DLGAP2: variants seen among roughly 807,000 people sequenced by gnomAD.
DLGAP2 encodes disks large-associated protein 2.
In DLGAP2, 26 loss-of-function variants were observed where a neutral mutation model predicts 100.3. The observed-to-expected ratio is 0.26, with a 90% CI of 0.19 to 0.36. The LOEUF (loss-of-function observed/expected upper bound fraction) is 0.36. Ranked by LOEUF, DLGAP2 falls within the 10% of genes least tolerant of loss-of-function variation. The pLI, the probability that DLGAP2 is intolerant of heterozygous loss-of-function variation, is 1.00. For synonymous variants in DLGAP2, 886 were observed against 630.1 expected, an observed-to-expected ratio of 1.41 and a Z score of -6.08; for missense variants, 1,858 against 1,453.2, an observed-to-expected ratio of 1.28 and a Z score of -4.53.
chr8:1,059,470 C>A (rs1349104523), intron 2 of DLGAP2, among the ~76,000 whole-genome samples: 1 of 152,196 alleles, frequency 6.6e-6, no homozygotes, highest in Non-Finnish European at 1.5e-5. Flanking sequence ...ACCCCAGGAG[C>A]TCCAGCCTCG....
At position 1,288,539 on chromosome 8, in the gene DLGAP2, A is replaced by AGTGTGT. The variant is rs1166851174; in HGVS notation, c.106+29672_106+29677dup. ...CTGTTAGGGGAACTAGTTTCAGTTG[A>AGTGTGT]GTGTGTGTGTGTGTGTGTGTGGTTA... On this transcript the variant is annotated intron_variant, in intron 3 of 14. Transcript: ENST00000637795. 1.4e-4 allele frequency among the ~76,000 whole-genome samples: 4 copies of AGTGTGT among 27,898 alleles called. No homozygotes were observed. In the East Asian group the frequency reaches 3.7e-3, roughly 26 times the overall value. The allele number at this position is 27,898 out of a possible 152,430, so 18.3% of individuals were successfully genotyped here.
At chr8:780,788 A>G (rs886153855) in intron 1 of DLGAP2, among the ~76,000 whole-genome samples, 1 of 152,192 alleles carries the variant, frequency 6.6e-6, no homozygotes, top group Non-Finnish European at 1.5e-5. Context: ...CTGCCGCCTC[A>G]CCAAAGGCTG....
intron 2 of DLGAP2, among the ~76,000 whole-genome samples, chr8:916,279 G>A (rs918534753): frequency 1.3e-5 from 2 of 152,234 alleles, no homozygotes; most frequent in Non-Finnish European, 2.9e-5. Context: ...CACCAATGCT[G>A]ATGTCACTCA....
chr8:912,909 C>G (rs181521860), intron 2 of DLGAP2, among the ~76,000 whole-genome samples: 2 of 152,242 alleles, frequency 1.3e-5, no homozygotes, highest in Non-Finnish European at 2.9e-5. Flanking sequence ...CTGTGGTGCC[C>G]GCCTTCCTCT....
chr8:926,810 G>A (rs1218706936), intron 2 of DLGAP2, among the ~76,000 whole-genome samples: 2 of 152,268 alleles, frequency 1.3e-5, no homozygotes, highest in African/African-American at 2.4e-5. Context: ...GTCACACAGC[G>A]GAGCTGCCCT....
At chr8:1,189,199 T>C (rs1797582581) in intron 2 of DLGAP2, among the ~76,000 whole-genome samples, 1 of 143,930 alleles carries the variant, frequency 6.9e-6, no homozygotes, top group Non-Finnish European at 1.5e-5. Flanking sequence ...GGGTTGACCT[T>C]ACACAGGATT....
rs547997786 is a variant in DLGAP2, at chr8:1,465,281, C to G, written c.107-36085C>G. Among the ~76,000 whole-genome samples, 40 of 152,312 alleles carry G rather than the reference C, an allele frequency of 2.6e-4. 1 individual carries two copies. Among genetic ancestry groups the G allele is most frequent in the African/African-American group, 8.7e-4 (36 of 41,552 alleles). Reference sequence around the variant, plus strand: ...TGGCTCCCGAAACTCTGGGAAGCACCCATGTTTGGTGGTTTATTATAAAGG... The same window carrying G: ...TGGCTCCCGAAACTCTGGGAAGCACGCATGTTTGGTGGTTTATTATAAAGG... On this transcript the variant is annotated intron_variant, in intron 3 of 14. Transcript: ENST00000637795.
intron 3 of DLGAP2, among the ~76,000 whole-genome samples, chr8:1,492,822 G>C (rs964335486): frequency 1.3e-5 from 2 of 152,292 alleles, no homozygotes; most frequent in South Asian, 4.1e-4. Context: ...GGCTGTGTAC[G>C]ACCACGGAGA....
At chr8:1,416,579 C>T (rs1028804335) in intron 3 of DLGAP2, among the ~76,000 whole-genome samples, 5 of 152,216 alleles carry the variant, frequency 3.3e-5, no homozygotes, top group African/African-American at 7.2e-5. Context: ...ACGGCCGCCC[C>T]TTCTTTGAAA....
At chr8:1,348,538 C>G (rs552095298) in intron 3 of DLGAP2, among the ~76,000 whole-genome samples, 102 of 150,374 alleles carry the variant, frequency 6.8e-4, no homozygotes, top group Non-Finnish European at 7.7e-4. Context: ...TGAGTTCCCA[C>G]ATAGAGCTGC....
chr8:1,152,423 T>C (rs538899150), intron 2 of DLGAP2, among the ~76,000 whole-genome samples: 102 of 152,352 alleles, frequency 6.7e-4, no homozygotes, highest in African/African-American at 2.4e-3. Context: ...TTAAACGGGA[T>C]GAAATAGAGT....
At chr8:1,444,174 C>G (rs1797916695) in intron 3 of DLGAP2, among the ~76,000 whole-genome samples, 1 of 152,188 alleles carries the variant, frequency 6.6e-6, no homozygotes, top group Non-Finnish European at 1.5e-5. Context: ...CAGCCTTGAA[C>G]TCCTGGCCTC....
At chr8:877,680 C>G (rs1195571606) in intron 1 of DLGAP2, among the ~76,000 whole-genome samples, 2 of 152,216 alleles carry the variant, frequency 1.3e-5, no homozygotes, top group African/African-American at 4.8e-5. Context: ...AGCCAGTAAC[C>G]TACAGGTTCA....
intron 3 of DLGAP2, among the ~76,000 whole-genome samples, chr8:1,385,980 T>A (rs1223537393): frequency 3.9e-5 from 6 of 152,274 alleles, no homozygotes; most frequent in African/African-American, 1.2e-4. Context: ...CAATGAGATC[T>A]GAAGATTGGA....
chr8:1,589,111 A>G lies in DLGAP2; in HGVS notation c.1442+23217A>G, dbSNP rs577849689. ...ATGCACAGTAATCCCAATGGTGGTT[A>G]TCTCTGGGTTTGTGGTTGAATTGTA... On this transcript the variant is annotated intron_variant, in intron 6 of 14. Coordinates refer to ENST00000637795, the MANE Select transcript of DLGAP2 (RefSeq NM_001346810.2). Among the ~76,000 whole-genome samples the G allele has an allele frequency of 1.2e-4, 18 of 152,326 alleles. No individual in the cohort carries two copies. The South Asian group carries it at 2.9e-3, about 25-fold the overall frequency.
At chr8:1,273,102 A>T (rs1585212683) in intron 3 of DLGAP2, among the ~76,000 whole-genome samples, 1 of 152,164 alleles carries the variant, frequency 6.6e-6, no homozygotes, top group Admixed American at 6.5e-5. Context: ...GCCCATTCTT[A>T]TGATAAAAAT....
At chr8:1,646,071 G>C (rs752856105) in intron 8 of DLGAP2, among the ~76,000 whole-genome samples, 2 of 152,142 alleles carry the variant, frequency 1.3e-5, no homozygotes, top group African/African-American at 4.8e-5. Flanking sequence ...CCAGATATCT[G>C]GTTAAACATT....
At chr8:1,457,494 C>A (rs1187237253) in intron 3 of DLGAP2, among the ~76,000 whole-genome samples, 1 of 152,144 alleles carries the variant, frequency 6.6e-6, no homozygotes, top group African/African-American at 2.4e-5. Context: ...TAACTAGTAG[C>A]CCAGAAATCT....
At chr8:1,318,778 G>GCCCCCCCCCCCCCCCCC (rs34614425) in intron 3 of DLGAP2, among the ~76,000 whole-genome samples, 2 of 105,572 alleles carry the variant, frequency 1.9e-5, no homozygotes, top group Non-Finnish European at 3.7e-5. Context: ...TCAGTGATCA[G>GCCCCCCCCCCCCCCCCC]CCCCCCCCCC....
Sources: gnomAD v4.1 joint callset for allele counts (sites outside exome capture counted in the v4.1 genomes callset) on GRCh38, gnomAD v4.1.1 for gene constraint, MANE v1.5 for transcripts, NCBI Gene and HGNC (gene_info 2026-07-23, HGNC 2026-07-21) for gene names.